CDH18: variants seen among roughly 807,000 people sequenced by gnomAD.
CDH18 encodes the protein cadherin-18.
Under a neutral mutation model 67.9 loss-of-function variants are expected in CDH18, and 31 were observed. The observed-to-expected ratio is 0.46, with a 90% CI of 0.34 to 0.62. The LOEUF (loss-of-function observed/expected upper bound fraction) is 0.62. CDH18 is among the 20% of genes least tolerant of loss of function. The probability of loss-of-function intolerance (pLI) is 0.01; values close to 1 mark genes in which losing one functional copy is unlikely to be tolerated. For missense variants in CDH18, 890 were observed against 975.5 expected (o/e 0.91, Z 1.17); for synonymous variants, 362 against 347.2 (o/e 1.04, Z -0.48).
intron 2 of CDH18, among the ~76,000 whole-genome samples, chr5:20,221,615 A>G (rs1276936157): frequency 6.6e-6 from 1 of 152,038 alleles, no homozygotes; most frequent in Non-Finnish European, 1.5e-5. Flanking sequence ...CTAAAAGAGA[A>G]TATTTGGATT....
At chr5:19,557,205 G>A (rs1738596704) in intron 8 of CDH18, among the ~76,000 whole-genome samples, 1 of 151,942 alleles carries the variant, frequency 6.6e-6, no homozygotes, top group South Asian at 2.1e-4. Context: ...AATTTCAAAT[G>A]ACCTATAAAA....
chr5:19,938,304 A>G (rs1794486900), intron 2 of CDH18, among the ~76,000 whole-genome samples: 1 of 151,192 alleles, frequency 6.6e-6, no homozygotes, highest in Admixed American at 6.6e-5. Context: ...ACTTCTGCTC[A>G]TATCCTTTAG....
intron 1 of CDH18, among the ~76,000 whole-genome samples, chr5:20,333,524 T>TACACACACAC (rs1464026115): frequency 7.7e-5 from 8 of 103,350 alleles, no homozygotes; most frequent in African/African-American, 2.7e-4. Context: ...AAAAACAATA[T>TACACACACAC]ATATACACAC....
intron 1 of CDH18, among the ~76,000 whole-genome samples, chr5:20,516,662 T>G (rs1404606739): frequency 6.6e-6 from 1 of 151,914 alleles, no homozygotes; most frequent in Non-Finnish European, 1.5e-5. Context: ...TCTTTCTAAT[T>G]TATTATTTTT....
chr5:19,797,616 A>G (rs1776994926), intron 3 of CDH18, among the ~76,000 whole-genome samples: 2 of 152,060 alleles, frequency 1.3e-5, no homozygotes, highest in South Asian at 4.1e-4. Context: ...CACATGTAAT[A>G]AAACATGCAC....
chr5:20,548,900 G>T (rs62354278), intron 1 of CDH18, among the ~76,000 whole-genome samples: 2,596 of 152,180 alleles, frequency 0.017, 35 homozygotes, highest in African/African-American at 0.029. Context: ...AGAGAAGTTG[G>T]CAAATACAAT....
At chr5:19,860,322 C>A (rs1489019904) in intron 2 of CDH18, among the ~76,000 whole-genome samples, 2 of 151,866 alleles carry the variant, frequency 1.3e-5, no homozygotes, top group East Asian at 3.9e-4. Context: ...TATGTTTTAT[C>A]CTTTTCTTAT....
intron 1 of CDH18, among the ~76,000 whole-genome samples, chr5:20,566,526 A>ATTTT (rs33950954): frequency 5.1e-5 from 5 of 97,372 alleles, no homozygotes; most frequent in East Asian, 5.5e-4. Context: ...TGCCCAGCTA[A>ATTTT]TTTTTTTTTT....
intron 12 of CDH18, among the ~76,000 whole-genome samples, chr5:19,475,932 G>A (rs1218509803): frequency 1.3e-5 from 2 of 151,882 alleles, no homozygotes; most frequent in African/African-American, 2.4e-5. Context: ...TATCATTATG[G>A]TTACTTTGTT....
At chr5:19,559,376 G>C (rs781457406) in intron 8 of CDH18, among the ~76,000 whole-genome samples, 1 of 151,864 alleles carries the variant, frequency 6.6e-6, no homozygotes, top group African/African-American at 2.4e-5. Flanking sequence ...TAATATCCAC[G>C]AGTCAATAAA....
chr5:19,989,798 C>T (rs966010379), upstream of CDH18, among the ~76,000 whole-genome samples: 3 of 152,060 alleles, frequency 2.0e-5, no homozygotes, highest in Admixed American at 1.3e-4. Flanking sequence ...AAAGACTAAA[C>T]AAACCAACAG....
At chr5:20,188,453 T>G (rs764236689) in intron 2 of CDH18, among the ~76,000 whole-genome samples, 15 of 152,032 alleles carry the variant, frequency 9.9e-5, no homozygotes, top group Admixed American at 5.2e-4. Context: ...ATTTTCATCA[T>G]CAGCAGCATC....
chr5:20,488,449 G>A (rs1753348470), intron 1 of CDH18, among the ~76,000 whole-genome samples: 1 of 151,972 alleles, frequency 6.6e-6, no homozygotes, highest in African/African-American at 2.4e-5. Flanking sequence ...CATAAAGGGA[G>A]CTTTCAGAAT....
intron 1 of CDH18, among the ~76,000 whole-genome samples, chr5:20,294,564 G>C (rs777187436): frequency 2.6e-5 from 4 of 152,174 alleles, no homozygotes; most frequent in Non-Finnish European, 5.9e-5. Flanking sequence ...GAGGAAAGCA[G>C]ATTACAAAAT....
intron 2 of CDH18, among the ~76,000 whole-genome samples, chr5:20,152,480 C>T (rs1301809058): frequency 6.6e-6 from 1 of 151,622 alleles, no homozygotes; most frequent in Non-Finnish European, 1.5e-5. Flanking sequence ...GATTAAATAT[C>T]TCTCTTATGC....
Position 19,823,651 on chromosome 5 carries a change from C to T in CDH18, c.228+15108G>A, listed in dbSNP as rs192468771. On this transcript the variant is annotated intron_variant, in intron 3 of 12. Transcript: ENST00000382275. ...AGTGGAGGACTTATCACCCCACTGA[C>T]AGCTTTAGACAGATCATTAAGGCAG... 3.7e-3 allele frequency among the ~76,000 whole-genome samples: 556 copies of T among 152,266 alleles called. 5 individuals are homozygous for T. The highest frequency in any genetic ancestry group is 3.4e-3 in the Non-Finnish European group (232 of 68,020).
chr5:20,045,107 T>C (rs1561744028), intron 2 of CDH18, among the ~76,000 whole-genome samples: 1 of 152,178 alleles, frequency 6.6e-6, no homozygotes, highest in African/African-American at 2.4e-5. Context: ...ATACTTACAA[T>C]AATGTTTTTG....
intron 1 of CDH18, among the ~76,000 whole-genome samples, chr5:20,486,705 A>G (rs150880460): frequency 0.035 from 5,206 of 149,770 alleles, 296 homozygotes; most frequent in African/African-American, 0.12. Context: ...ATATACATAT[A>G]TGTGTGTGTG....
At chr5:19,817,912 A>C (rs186870256) in intron 3 of CDH18, among the ~76,000 whole-genome samples, 68 of 152,282 alleles carry the variant, frequency 4.5e-4, no homozygotes, top group East Asian at 2.1e-3. Flanking sequence ...ATAATACATA[A>C]ATAAATTTGT....
Sources: gnomAD v4.1 joint callset for allele counts (sites outside exome capture counted in the v4.1 genomes callset) on GRCh38, gnomAD v4.1.1 for gene constraint, MANE v1.5 for transcripts, NCBI Gene and HGNC (gene_info 2026-07-23, HGNC 2026-07-21) for gene names.